The following UBE3A variants were observed in gnomAD, a reference collection of about 807,000 sequenced individuals.
UBE3A encodes ubiquitin protein ligase E3A, also known as ubiquitin-protein ligase E3A.
In UBE3A, 6 loss-of-function variants were observed where a neutral mutation model predicts 83.4. The ratio of observed to expected loss-of-function variants is 0.07; its 90% CI spans 0.04 to 0.14. The LOEUF (loss-of-function observed/expected upper bound fraction) is 0.14, where lower values mean the gene tolerates loss of function less well. Among genes scored for constraint, UBE3A ranks in the 10% least tolerant of loss-of-function variants. The pLI is 1.00. For synonymous variants in UBE3A, 337 were observed against 355.4 expected, an observed-to-expected ratio of 0.95 and a Z score of 0.58; for missense variants, 456 against 1,036.1, an observed-to-expected ratio of 0.44 and a Z score of 7.69.
chr15:25,415,206 G>A (rs2090651906), intron 1 of UBE3A, among the ~76,000 whole-genome samples: 1 of 152,036 alleles, frequency 6.6e-6, no homozygotes, highest in South Asian at 2.1e-4. Flanking sequence ...TTTCCCTTTT[G>A]CCTTTATCCT....
At chr15:25,414,265 C>T (rs553404120) in intron 1 of UBE3A, among the ~76,000 whole-genome samples, 19 of 152,156 alleles carry the variant, frequency 1.2e-4, no homozygotes, top group African/African-American at 4.6e-4. Flanking sequence ...TTTTATTTGC[C>T]CTAACCACTG....
chr15:25,353,108 C>T (rs1246544823), intron 11 of UBE3A, among the ~76,000 whole-genome samples: 1 of 152,106 alleles, frequency 6.6e-6, no homozygotes, highest in African/African-American at 2.4e-5. Context: ...TGTTATACTC[C>T]TTGTGACTGA....
intron 1 of UBE3A, chr15:25,415,933 A>G (rs530764518): frequency 6.6e-6 from 1 of 151,900 alleles, no homozygotes; most frequent in South Asian, 2.1e-4. Flanking sequence ...CAAAGATACC[A>G]TTTCTTCCCA....
At chr15:25,379,546 A>C (rs2081811823) in intron 4 of UBE3A, among the ~76,000 whole-genome samples, 1 of 152,202 alleles carries the variant, frequency 6.6e-6, no homozygotes, top group Non-Finnish European at 1.5e-5. Flanking sequence ...TATATTAAGC[A>C]TTCTTCTTTT....
chr15:25,393,868 G>A (rs1001678131), intron 4 of UBE3A: 1 of 152,188 alleles, frequency 6.6e-6, no homozygotes, highest in Non-Finnish European at 1.5e-5. Context: ...TCTGTCAGAA[G>A]AAAGCAAAGG....
intron 6 of UBE3A, among the ~76,000 whole-genome samples, chr15:25,366,293 A>C (rs2079092807): frequency 6.6e-6 from 1 of 152,224 alleles, no homozygotes; most frequent in Admixed American, 6.5e-5. Flanking sequence ...AGCACAGAAT[A>C]ATCTCATTTT....
chr15:25,359,811 C>G (rs1011161821), intron 7 of UBE3A, among the ~76,000 whole-genome samples: 5 of 152,162 alleles, frequency 3.3e-5, no homozygotes, highest in African/African-American at 7.2e-5. Context: ...ATCCCATCAG[C>G]CTTTCCCAAA....
At position 25,409,103 on chromosome 15, in the gene UBE3A, G is replaced by T; in HGVS notation, c.5C>A (p.Ala2Asp). ...TCAAAATTACCTTTTACAAGCTGTG[G>T]CCATTCGGTGACATCAGGGTGATCA... MATACKRSGEPQ... is the reference protein window; with the variant it reads MDTACKRSGEPQ... Residue 2 changes from alanine (A) to aspartate (D), a missense_variant, in exon 3 of 13, where the codon GCC becomes GAC. Transcript: ENST00000648336. 1 of 1,594,776 alleles carries T rather than the reference G, an allele frequency of 6.3e-7. No individual in the cohort carries two copies. Among genetic ancestry groups the T allele is most frequent in the Non-Finnish European group, 8.5e-7 (1 of 1,169,746 alleles).
At chr15:25,376,525 C>T (rs1340703982) in intron 4 of UBE3A, among the ~76,000 whole-genome samples, 1 of 152,034 alleles carries the variant, frequency 6.6e-6, no homozygotes, top group Non-Finnish European at 1.5e-5. Context: ...TGGCATGCAC[C>T]TGTAGTCCCA....
rs1473169625 is a variant in UBE3A, at chr15:25,337,823, A to ACAT, written c.*1311_*1313dup. ...TATAATGCAATAAAAGAAATTAACA[A>ACAT]CATCACATACACAGAAGACTAGGAA... On this transcript the variant is annotated 3_prime_UTR_variant, in exon 13 of 13. Transcript: ENST00000648336. 1 of 152,178 alleles carries ACAT rather than the reference A, an allele frequency of 6.6e-6. No individual in the cohort carries two copies. The highest frequency in any genetic ancestry group is 1.5e-5 in the Non-Finnish European group (1 of 68,004). 9.4% of individuals were successfully genotyped at this position (152,178 alleles called of 1,614,324 possible).
Position 25,387,188 on chromosome 15 carries a change from G to A in UBE3A, c.63-11425C>T, listed in dbSNP as rs910120256. ...ATTTGTGGGATACAGTGAAAGCAGC[G>A]CTTAGAAAGAAACATACAACACTGA... On this transcript the variant is annotated intron_variant, in intron 4 of 12. Coordinates refer to ENST00000648336, the MANE Select transcript of UBE3A (RefSeq NM_130839.5). 2.4e-4 allele frequency among the ~76,000 whole-genome samples: 36 copies of A among 152,254 alleles called. 2 individuals are homozygous for A. The highest frequency in any genetic ancestry group is 1.7e-3 in the Admixed American group (26 of 15,296).
intron 4 of UBE3A, among the ~76,000 whole-genome samples, chr15:25,378,101 A>T (rs901512098): frequency 2.6e-5 from 4 of 152,214 alleles, no homozygotes; most frequent in Admixed American, 2.6e-4. Flanking sequence ...AACTTCATAT[A>T]CATGATTTGA....
rs1804814 is a variant in UBE3A at position 25,340,125 on chromosome 15, A to G, written c.2458T>C (p.Leu820=). 1.9e-6 allele frequency: 3 copies of G among 1,613,942 alleles called. No homozygotes were observed. In the South Asian group the frequency reaches 3.3e-5, roughly 18 times the overall value. Residue 820 remains leucine, a synonymous_variant, in exon 12 of 13, where the codon TTA becomes CTA. Transcript: ENST00000648336. ...DRAPVGGLGK[L]KMIIAKNGPD... ...CCATTTTTGGCTATAATCATCTTTAATTTTCCTAGTCCTCCCACAGGTGCT... is the reference window on the plus strand; with the variant it reads ...CCATTTTTGGCTATAATCATCTTTAGTTTTCCTAGTCCTCCCACAGGTGCT...
intron 11 of UBE3A, among the ~76,000 whole-genome samples, chr15:25,349,240 C>T (rs1335336763): frequency 6.6e-6 from 1 of 152,170 alleles, no homozygotes; most frequent in African/African-American, 2.4e-5. Context: ...ATGACATCCA[C>T]TGTCTAACAG....
intron 4 of UBE3A, among the ~76,000 whole-genome samples, chr15:25,394,241 TAC>T (rs1185770405): frequency 6.6e-6 from 1 of 152,224 alleles, no homozygotes; most frequent in African/African-American, 2.4e-5. Flanking sequence ...CCTAGCAAAT[TAC>T]AGAGTCTCAA....
At chr15:25,424,877 A>G (rs527912009) in intron 1 of UBE3A, among the ~76,000 whole-genome samples, 12 of 152,328 alleles carry the variant, frequency 7.9e-5, no homozygotes, top group African/African-American at 2.9e-4. Flanking sequence ...ACCTTAATAA[A>G]TGGAAAGATA....
rs185909822 is a variant in UBE3A, at chr15:25,424,094, A to G, written c.-164-12123T>C. Among the ~76,000 whole-genome samples the G allele has an allele frequency of 3.9e-3, 595 of 152,282 alleles. 5 individuals carry two copies. The highest frequency in any genetic ancestry group is 4.8e-3 in the Non-Finnish European group (325 of 68,030). On this transcript the variant is annotated intron_variant, in intron 1 of 12. Coordinates refer to ENST00000648336, the MANE Select transcript of UBE3A (RefSeq NM_130839.5). ...GTCATACTTTTTCACTACTCTGCTCAAAGACTTCCAATAGCTTCCCATCTC... is the reference window on the plus strand; with the variant it reads ...GTCATACTTTTTCACTACTCTGCTCGAAGACTTCCAATAGCTTCCCATCTC...
At position 25,336,327 on chromosome 15, in the gene UBE3A, A is replaced by G. The variant is rs533031156; in HGVS notation, c.*2810T>C. 1.3e-5 allele frequency: 2 copies of G among 151,310 alleles called. No homozygotes were observed. Among genetic ancestry groups the G allele is most frequent in the East Asian group, 3.9e-4 (2 of 5,184 alleles). 9.4% of individuals were successfully genotyped at this position (151,310 alleles called of 1,614,324 possible). ...GCAGGTAAAGGGATCAAGACTACAC[A>G]GGGACTAGTCTTGGGACGACATTTC... On this transcript the variant is annotated 3_prime_UTR_variant, in exon 13 of 13. Coordinates refer to ENST00000648336, the MANE Select transcript of UBE3A (RefSeq NM_130839.5).
chr15:25,409,016 C>T, intron 3 of UBE3A, 72 bp downstream of exon 3: 2 of 1,473,426 alleles, frequency 1.4e-6, no homozygotes, highest in Non-Finnish European at 1.9e-6. Flanking sequence ...TATACATTGT[C>T]TTCATTTTTA....
Sources: gnomAD v4.1 joint callset for allele counts (sites outside exome capture counted in the v4.1 genomes callset) on GRCh38, gnomAD v4.1.1 for gene constraint, MANE v1.5 for transcripts, NCBI Gene and HGNC (gene_info 2026-07-23, HGNC 2026-07-21) for gene names.